Variants in CNNM2 observed in about 807,000 individuals in gnomAD.
The protein encoded by CNNM2 is metal transporter CNNM2.
In CNNM2, 12 loss-of-function variants were observed where a neutral mutation model predicts 66.9. That is an observed-to-expected ratio of 0.18 (90% CI 0.11 to 0.29). CNNM2 has a LOEUF of 0.29. CNNM2 is among the 10% of genes least tolerant of loss of function. The probability of loss-of-function intolerance (pLI) is 1.00; values close to 1 mark genes in which losing one functional copy is unlikely to be tolerated. For missense variants in CNNM2, 705 were observed against 1,167.7 expected, an observed-to-expected ratio of 0.60 and a Z score of 5.77; for synonymous variants, 557 against 501.8, an observed-to-expected ratio of 1.11 and a Z score of -1.47.
At chr10:103,067,499 G>A (rs929130494) in intron 4 of CNNM2, among the ~76,000 whole-genome samples, 4 of 152,178 alleles carry the variant, frequency 2.6e-5, no homozygotes, top group African/African-American at 7.2e-5. Flanking sequence ...AAACACTGAT[G>A]TGTTAGCACA....
intron 1 of CNNM2, among the ~76,000 whole-genome samples, chr10:102,954,187 G>C (rs963154598): frequency 6.0e-5 from 9 of 150,112 alleles, no homozygotes; most frequent in Non-Finnish European, 1.3e-4. Flanking sequence ...GAGTGCAGTG[G>C]TGTGATTATA....
At chr10:103,061,931 A>G (rs1424674142) in intron 4 of CNNM2, among the ~76,000 whole-genome samples, 1 of 152,210 alleles carries the variant, frequency 6.6e-6, no homozygotes, top group Non-Finnish European at 1.5e-5. Flanking sequence ...TCTATTACTG[A>G]TTTTAGGAAA....
In CNNM2 at chr10:103,089,527, TAATAAAATCTTCAG is replaced by T; in HGVS notation, c.*12350_*12363del. ...ACAAAACCAAAACAAGTATCTATGA[TAATAAAATCTTCAG>T]AAACTTTTCAGACGTACCTTTCATG... On this transcript the variant is annotated 3_prime_UTR_variant, in exon 8 of 8. Transcript: ENST00000369878. 7.3e-7 allele frequency: 1 copy of T among 1,375,420 alleles called. No homozygotes were observed. Among genetic ancestry groups the T allele is most frequent in the Non-Finnish European group, 9.6e-7 (1 of 1,045,536 alleles). 85.2% of individuals were successfully genotyped at this position (1,375,420 alleles called of 1,614,324 possible). A position where few individuals can be genotyped will look rare whatever the true frequency, so the allele number is the denominator to read the frequency against.
chr10:102,947,342 T>C (rs932992193), intron 1 of CNNM2, among the ~76,000 whole-genome samples: 1 of 152,206 alleles, frequency 6.6e-6, no homozygotes, highest in Non-Finnish European at 1.5e-5. Flanking sequence ...CGACTTTGTT[T>C]CTGTTTTAGA....
intron 2 of CNNM2, among the ~76,000 whole-genome samples, chr10:103,052,126 C>T (rs1456411294): frequency 2.0e-5 from 3 of 151,206 alleles, no homozygotes; most frequent in African/African-American, 7.3e-5. Flanking sequence ...AAAAAAAATA[C>T]AAAAATCAGC....
intron 1 of CNNM2, among the ~76,000 whole-genome samples, chr10:103,002,749 G>A (rs1336878460): frequency 6.6e-6 from 1 of 152,136 alleles, no homozygotes; most frequent in Non-Finnish European, 1.5e-5. Context: ...AAAGTGCAGG[G>A]ATTACAGGCG....
rs750190975 is a variant in CNNM2 at position 103,076,163 on chromosome 10, G to A, written c.2311G>A (p.Val771Ile). The A allele has an allele frequency of 2.7e-5, 43 of 1,606,606 alleles. 1 individual carries two copies. The highest frequency in any genetic ancestry group is 1.2e-4 in the African/African-American group (9 of 74,786). ...CAGTCGAAGCGACCGGATTGACGCC[G>A]TCACACCAACACTGGGGAGCAGCAA... ...SLSRSDRIDA[V>I]TPTLGSSNNQ... is the part of the protein sequence containing the mutation. The change falls in exon 7 of 8, where the codon GTC becomes ATC. Residue 771 changes from valine to isoleucine, a missense_variant. By Grantham distance (29) the Val-to-Ile change is conservative. This residue lies in a region of CNNM2 where 194 missense variants were observed against 227.6 expected (regional missense o/e 0.85). Coordinates refer to ENST00000369878, the MANE Select transcript of CNNM2 (RefSeq NM_017649.5).
chr10:103,003,195 C>T (rs900910847), intron 1 of CNNM2, among the ~76,000 whole-genome samples: 2 of 151,614 alleles, frequency 1.3e-5, no homozygotes, highest in African/African-American at 4.8e-5. Context: ...TCACTGCAAC[C>T]TCCGCCTCCT....
chr10:103,002,982 C>A (rs925015265), intron 1 of CNNM2, among the ~76,000 whole-genome samples: 2 of 152,004 alleles, frequency 1.3e-5, no homozygotes, highest in African/African-American at 4.8e-5. Context: ...ATTTATAATA[C>A]TTAAAAAGTG....
Position 103,072,662 on chromosome 10 carries a change from G to A in CNNM2, c.2233+823G>A, listed in dbSNP as rs185083979. 2.6e-5 allele frequency among the ~76,000 whole-genome samples: 4 copies of A among 152,376 alleles called. No individual in the cohort carries two copies. The East Asian group carries it at 5.8e-4, about 22-fold the overall frequency. On this transcript the variant is annotated intron_variant, in intron 6 of 7. Coordinates refer to ENST00000369878, the MANE Select transcript of CNNM2 (RefSeq NM_017649.5). ...ATACGTCCAGCTATTAAAAAGAAGGGAAAAGGCTTAATCTGTCTTTAATTA... is the reference window on the plus strand; with the variant it reads ...ATACGTCCAGCTATTAAAAAGAAGGAAAAAGGCTTAATCTGTCTTTAATTA...
At chr10:103,025,239 G>C (rs1293067556) in intron 1 of CNNM2, among the ~76,000 whole-genome samples, 1 of 152,148 alleles carries the variant, frequency 6.6e-6, no homozygotes, top group South Asian at 2.1e-4. Flanking sequence ...TTACAGGCAT[G>C]TGCCACCATG....
intron 1 of CNNM2, among the ~76,000 whole-genome samples, chr10:103,009,715 G>A (rs181417948): frequency 4.4e-3 from 655 of 150,408 alleles, no homozygotes; most frequent in Middle Eastern, 0.01. Flanking sequence ...TGGGAGAATG[G>A]AGAACCAGAG....
At chr10:102,970,784 G>C (rs1301602134) in intron 1 of CNNM2, among the ~76,000 whole-genome samples, 1 of 152,150 alleles carries the variant, frequency 6.6e-6, no homozygotes, top group East Asian at 1.9e-4. Context: ...CCAGTTTGTT[G>C]TTACTGGGAA....
Position 102,918,589 on chromosome 10 carries a change from G to T in CNNM2, c.109G>T (p.Gly37Cys), listed in dbSNP as rs773321447. ...MAARRSLSAR[G>C]RGILQAAAGR... The stretch of plus-strand genomic sequence containing the variant: ...GGCGCGCCGCAGCCTCAGCGCTCGC[G>T]GCCGGGGGATCCTGCAGGCGGCTGC... Residue 37 changes from glycine (G) to cysteine (C), a missense_variant, in exon 1 of 8, where the codon GGC becomes TGC. Physicochemically the swap from Gly to Cys is radical, Grantham distance 159. Around this residue, in one of 9 missense-constraint regions of CNNM2, gnomAD observed 98 missense variants for 73.6 expected, o/e 1.33. Coordinates refer to ENST00000369878, the MANE Select transcript of CNNM2 (RefSeq NM_017649.5). This position sits in a 1 kb window ranked among gnomAD's most constrained non-coding sequence, Gnocchi z 4.1. 1 of 1,569,858 alleles carries T rather than the reference G, an allele frequency of 6.4e-7. No homozygotes were observed. Among genetic ancestry groups the T allele is most frequent in the Middle Eastern group, 1.8e-4 (1 of 5,482 alleles).
chr10:103,067,960 G>A (rs998070507), intron 4 of CNNM2, among the ~76,000 whole-genome samples: 7 of 152,222 alleles, frequency 4.6e-5, no homozygotes, highest in Non-Finnish European at 8.8e-5. Context: ...TCAGGACACC[G>A]TGCTCGTGAG....
chr10:102,990,262 G>A (rs1483400586), intron 1 of CNNM2, among the ~76,000 whole-genome samples: 3 of 152,030 alleles, frequency 2.0e-5, no homozygotes, highest in African/African-American at 7.2e-5. Context: ...CACCGCGCCC[G>A]GTTTAAGCCA....
chr10:102,971,154 G>A (rs1282865039), intron 1 of CNNM2, among the ~76,000 whole-genome samples: 1 of 150,290 alleles, frequency 6.7e-6, no homozygotes, highest in African/African-American at 2.5e-5. Context: ...AGCTATGATT[G>A]TGCCATTTAC....
At chr10:102,997,387 A>G (rs2064023316) in intron 1 of CNNM2, among the ~76,000 whole-genome samples, 1 of 152,174 alleles carries the variant, frequency 6.6e-6, no homozygotes, top group Non-Finnish European at 1.5e-5. Context: ...TTGATAGGCC[A>G]TTTTAGTTTG....
At chr10:103,039,000 TAAAA>T (rs552083579) in intron 1 of CNNM2, among the ~76,000 whole-genome samples, 1 of 148,366 alleles carries the variant, frequency 6.7e-6, no homozygotes, top group Non-Finnish European at 1.5e-5. Context: ...AATAAGTACT[TAAAA>T]AAAAAAGAAG....
Sources: gnomAD v4.1 joint callset for allele counts (sites outside exome capture counted in the v4.1 genomes callset) on GRCh38, gnomAD v4.1.1 for gene constraint, gnomAD v4.1.1 regional missense constraint, Gnocchi (gnomAD v3.1) non-coding constraint, MANE v1.5 for transcripts, NCBI Gene and HGNC (gene_info 2026-07-23, HGNC 2026-07-21) for gene names.